PARD3: variants seen among roughly 807,000 people sequenced by gnomAD.
PARD3 encodes par-3 family cell polarity regulator.
PARD3 carries 75 observed loss-of-function variants against 155.4 expected under a neutral mutation model. The observed-to-expected ratio is 0.48, with a 90% CI of 0.40 to 0.58. The LOEUF (loss-of-function observed/expected upper bound fraction) is 0.58, where lower values mean the gene tolerates loss of function less well. PARD3 is among the 20% of genes least tolerant of loss of function. The pLI is 0.00. For synonymous variants in PARD3, 576 were observed against 610.5 expected (o/e 0.94, Z 0.83); for missense variants, 1,642 against 1,721.7 (o/e 0.95, Z 0.82).
At chr10:34,395,066 A>C (rs913296132) in intron 7 of PARD3, among the ~76,000 whole-genome samples, 4 of 151,964 alleles carry the variant, frequency 2.6e-5, no homozygotes, top group Non-Finnish European at 1.5e-5. Flanking sequence ...ACAGAGTCTC[A>C]CTCTGTCACC....
chr10:34,176,812 G>C (rs1050519418), intron 22 of PARD3, among the ~76,000 whole-genome samples: 3 of 152,194 alleles, frequency 2.0e-5, no homozygotes, highest in African/African-American at 7.2e-5. Flanking sequence ...TCAGCCAATG[G>C]TAAAACTCTA....
chr10:34,632,896 C>T (rs991482029), intron 2 of PARD3, among the ~76,000 whole-genome samples: 1 of 152,120 alleles, frequency 6.6e-6, no homozygotes, highest in African/African-American at 2.4e-5. Context: ...TAACAGAGCT[C>T]CAGTGGCCAC....
chr10:34,469,244 A>G (rs1324059408), intron 4 of PARD3, among the ~76,000 whole-genome samples: 1 of 152,146 alleles, frequency 6.6e-6, no homozygotes, highest in Admixed American at 6.5e-5. Context: ...CTGAGTAGTT[A>G]GAATTACAGG....
At chr10:34,808,582 G>A (rs1042455050) in intron 1 of PARD3, among the ~76,000 whole-genome samples, 2 of 152,024 alleles carry the variant, frequency 1.3e-5, no homozygotes, top group South Asian at 2.1e-4. Context: ...CATCTCCCCC[G>A]ATGGAAAATT....
intron 1 of PARD3, among the ~76,000 whole-genome samples, chr10:34,762,028 T>C (rs1266823210): frequency 2.6e-5 from 4 of 152,186 alleles, no homozygotes; most frequent in East Asian, 1.9e-4. Flanking sequence ...CGAAGCTATT[T>C]TGAAGCCCTA....
At chr10:34,432,726 G>A (rs1564707371) in intron 5 of PARD3, among the ~76,000 whole-genome samples, 1 of 152,122 alleles carries the variant, frequency 6.6e-6, no homozygotes, top group Non-Finnish European at 1.5e-5. Flanking sequence ...CACCCATGTT[G>A]AATCTGAGTG....
chr10:34,124,678 A>T (rs1257583089), intron 23 of PARD3, among the ~76,000 whole-genome samples: 1 of 152,190 alleles, frequency 6.6e-6, no homozygotes, highest in African/African-American at 2.4e-5. Context: ...AATGGCTGAA[A>T]AGACTGCAAA....
At chr10:34,770,929 T>C (rs985904704) in intron 1 of PARD3, among the ~76,000 whole-genome samples, 1 of 152,050 alleles carries the variant, frequency 6.6e-6, no homozygotes, top group Admixed American at 6.6e-5. Flanking sequence ...CATCATTGGA[T>C]TTGGAAAGGC....
At chr10:34,394,487 G>A (rs141664281) in intron 7 of PARD3, among the ~76,000 whole-genome samples, 23 of 152,094 alleles carry the variant, frequency 1.5e-4, no homozygotes, top group Non-Finnish European at 2.5e-4. Flanking sequence ...CAGCACACTC[G>A]GCTAACTTTT....
At chr10:34,732,670 C>G (rs554730354) in intron 1 of PARD3, among the ~76,000 whole-genome samples, 4 of 152,220 alleles carry the variant, frequency 2.6e-5, no homozygotes, top group African/African-American at 9.6e-5. Context: ...TGCACTCCAG[C>G]CTGGAGGACA....
intron 15 of PARD3, among the ~76,000 whole-genome samples, chr10:34,347,120 AT>A: frequency 6.6e-6 from 1 of 152,388 alleles, no homozygotes; most frequent in East Asian, 1.9e-4. Context: ...ATGGAGTTAA[AT>A]TTAGGGTTTT....
intron 1 of PARD3, among the ~76,000 whole-genome samples, chr10:34,696,924 G>T (rs553089238): frequency 6.6e-6 from 1 of 151,850 alleles, no homozygotes; most frequent in South Asian, 2.1e-4. Context: ...GGACACAGAA[G>T]GATGCTGACA....
chr10:34,469,526 G>T (rs1353336193), intron 4 of PARD3, among the ~76,000 whole-genome samples: 2 of 152,142 alleles, frequency 1.3e-5, no homozygotes, highest in Non-Finnish European at 2.9e-5. Context: ...ATGAAGACTA[G>T]ACAACACACT....
chr10:34,482,798 A>G (rs1015048229), intron 3 of PARD3, among the ~76,000 whole-genome samples: 3 of 152,072 alleles, frequency 2.0e-5, no homozygotes, highest in Non-Finnish European at 2.9e-5. Context: ...GAAGCAAGTT[A>G]GAGGGAGGAT....
intron 1 of PARD3, among the ~76,000 whole-genome samples, chr10:34,736,941 TGCTGGGATTACAG>T (rs1173539914): frequency 1.3e-5 from 2 of 151,904 alleles, no homozygotes; most frequent in African/African-American, 4.8e-5. Context: ...CCTCCCAAAG[TGCTGGGATTACAG>T]GCATGAGCCA....
intron 2 of PARD3, among the ~76,000 whole-genome samples, chr10:34,570,662 C>T (rs1158031625): frequency 6.6e-6 from 1 of 152,052 alleles, no homozygotes; most frequent in Non-Finnish European, 1.5e-5. Flanking sequence ...TGGGTGAAAT[C>T]CATGAATACT....
At chr10:34,370,213 C>T (rs1032610069) in intron 12 of PARD3, among the ~76,000 whole-genome samples, 4 of 152,088 alleles carry the variant, frequency 2.6e-5, no homozygotes, top group South Asian at 2.1e-4. Context: ...AAAGTCCAAG[C>T]GTAACTAGAA....
intron 2 of PARD3, among the ~76,000 whole-genome samples, chr10:34,608,691 C>T (rs1033295673): frequency 2.0e-5 from 3 of 151,918 alleles, no homozygotes; most frequent in Non-Finnish European, 2.9e-5. Flanking sequence ...CCTGCCACCA[C>T]GCTCGCCTAA....
intron 1 of PARD3, among the ~76,000 whole-genome samples, chr10:34,796,752 A>T (rs1245150252): frequency 6.6e-6 from 1 of 152,248 alleles, no homozygotes; most frequent in Non-Finnish European, 1.5e-5. Context: ...TGGGAGGCCG[A>T]GGCGAGTGGA....
Sources: allele counts gnomAD v4.1 joint callset (sites outside exome capture counted in the v4.1 genomes callset), GRCh38; gene constraint gnomAD v4.1.1; transcripts MANE v1.5; gene names NCBI Gene and HGNC (gene_info 2026-07-23, HGNC 2026-07-21).